The following KMT5B variants were observed in gnomAD, a reference collection of about 807,000 sequenced individuals.
KMT5B encodes the protein histone-lysine N-methyltransferase KMT5B.
A neutral mutation model predicts 83.2 loss-of-function variants in KMT5B; 10 were observed. That is an observed-to-expected ratio of 0.12 (90% CI 0.07 to 0.20). The LOEUF is 0.20. Ranked by LOEUF, KMT5B falls within the 10% of genes least tolerant of loss-of-function variation. KMT5B has a pLI of 1.00. For synonymous variants in KMT5B, 349 were observed against 388.8 expected (o/e 0.90, Z 1.20); for missense variants, 753 against 1,067.2 (o/e 0.71, Z 4.10).
rs889740564 is a variant in KMT5B at position 68,158,828 on chromosome 11, G to A, written c.1518C>T (p.Ser506=). ...TCGCCGCGTGTCTAGTCAAGCACCCGCTGGCAACTGCGGCTTGGGCTGGTC... is the reference window on the plus strand; with the variant it reads ...TCGCCGCGTGTCTAGTCAAGCACCCACTGGCAACTGCGGCTTGGGCTGGTC... The part of the protein sequence containing the change: ...PEGPAQAAVA[S]GCLTRHAARE... The change falls in exon 11 of 11, where the codon AGC becomes AGT. Residue 506 remains serine, a synonymous_variant. Coordinates refer to ENST00000304363, the MANE Select transcript of KMT5B (RefSeq NM_017635.5). 15 of 1,614,124 alleles carry A rather than the reference G, an allele frequency of 9.3e-6. No homozygotes were observed. Among genetic ancestry groups the A allele is most frequent in the Non-Finnish European group, 1.0e-5 (12 of 1,180,044 alleles).
chr11:68,164,634 G>A (rs1255570394), intron 10 of KMT5B: 1 of 511,988 alleles, frequency 2.0e-6, no homozygotes, highest in Non-Finnish European at 3.9e-6. Flanking sequence ...CTCTGCCCAT[G>A]ACCTCAGAGT....
chr11:68,177,703 T>C (rs997711878), intron 4 of KMT5B, among the ~76,000 whole-genome samples: 6 of 152,230 alleles, frequency 3.9e-5, no homozygotes, highest in African/African-American at 1.4e-4. Context: ...ATTTTCCATT[T>C]TCAATCAATT....
intron 10 of KMT5B, among the ~76,000 whole-genome samples, chr11:68,161,472 C>G (rs1342400611): frequency 6.6e-6 from 1 of 152,084 alleles, no homozygotes; most frequent in Non-Finnish European, 1.5e-5. Flanking sequence ...CCATTCCACT[C>G]TCATGACGTA....
Position 68,155,482 on chromosome 11 carries a change from G to A in KMT5B, c.*2206C>T, listed in dbSNP as rs1433128247. On this transcript the variant is annotated 3_prime_UTR_variant, in exon 11 of 11. Coordinates refer to ENST00000304363, the MANE Select transcript of KMT5B (RefSeq NM_017635.5). ...TAAAATTCAGCTGAAAAATGAAAAT[G>A]GGAAATGTGTTTTGTCACTTTTTAA... The A allele has an allele frequency of 6.6e-6, 1 of 152,162 alleles. No homozygotes were observed. The highest frequency in any genetic ancestry group is 1.5e-5 in the Non-Finnish European group (1 of 68,028). 9.4% of individuals were successfully genotyped at this position (152,162 alleles called of 1,614,324 possible).
At chr11:68,181,430 A>C (rs1856923901) in intron 3 of KMT5B, among the ~76,000 whole-genome samples, 1 of 152,174 alleles carries the variant, frequency 6.6e-6, no homozygotes, top group African/African-American at 2.4e-5. Context: ...AAGTAAAAGG[A>C]AGGGAAAAGA....
chr11:68,199,556 G>A (rs1188291201), intron 1 of KMT5B, among the ~76,000 whole-genome samples: 1 of 152,162 alleles, frequency 6.6e-6, no homozygotes, highest in Admixed American at 6.5e-5. Flanking sequence ...TGAGACTTGG[G>A]CCTTTACTCC....
intron 1 of KMT5B, among the ~76,000 whole-genome samples, chr11:68,212,318 C>A (rs1298006820): frequency 6.6e-6 from 1 of 152,134 alleles, no homozygotes; most frequent in Non-Finnish European, 1.5e-5. Flanking sequence ...AGGAAAACTC[C>A]CCCCACTCCA....
In KMT5B at chr11:68,173,860, T is replaced by C. The variant is rs533092789; in HGVS notation, c.597A>G (p.Pro199=). The C allele has an allele frequency of 3.1e-6, 5 of 1,613,002 alleles. No individual in the cohort carries two copies. Among genetic ancestry groups the C allele is most frequent in the Non-Finnish European group, 3.4e-6 (4 of 1,179,748 alleles). ...FATDSGFEIL[P]CNRYSSEQNG... ...TTTGTTCTGATGAGTATCTATTACA[T>C]GGCAATATTTCAAATCCACTGTCAG... The change falls in exon 6 of 11, where the codon CCA becomes CCG. Residue 199 remains proline (P), a synonymous_variant. Transcript: ENST00000304363.
At chr11:68,199,200 T>C (rs528684359) in intron 1 of KMT5B, among the ~76,000 whole-genome samples, 86 of 152,218 alleles carry the variant, frequency 5.6e-4, no homozygotes, top group Admixed American at 1.6e-3. Flanking sequence ...GAATACAGCA[T>C]GGAACAAAAT....
At chr11:68,175,375 G>A (rs746325479) in intron 4 of KMT5B, among the ~76,000 whole-genome samples, 192 bp from the exon 5 acceptor site, 1 of 152,124 alleles carries the variant, frequency 6.6e-6, no homozygotes, top group Admixed American at 6.5e-5. Context: ...ACCTGGATAC[G>A]CAAGTTCTCT....
chr11:68,165,762 A>T, intron 10 of KMT5B: 4 of 1,491,370 alleles, frequency 2.7e-6, no homozygotes, highest in Non-Finnish European at 2.7e-6. Context: ...GTCAACAGTT[A>T]ATGATTGACT....
intron 1 of KMT5B, among the ~76,000 whole-genome samples, chr11:68,195,111 C>T (rs1024180234): frequency 3.9e-5 from 6 of 151,974 alleles, no homozygotes; most frequent in African/African-American, 7.3e-5. Flanking sequence ...CAGGAAATTG[C>T]GGACACAGTG....
Position 68,155,962 on chromosome 11 carries a change from A to C in KMT5B, c.*1726T>G, listed in dbSNP as rs1859266911. 1.3e-5 allele frequency: 2 copies of C among 152,232 alleles called. No individual in the cohort carries two copies. Among genetic ancestry groups the C allele is most frequent in the Non-Finnish European group, 2.9e-5 (2 of 68,032 alleles). 9.4% of individuals were successfully genotyped at this position (152,232 alleles called of 1,614,324 possible). On this transcript the variant is annotated 3_prime_UTR_variant, in exon 11 of 11. Coordinates refer to ENST00000304363, the MANE Select transcript of KMT5B (RefSeq NM_017635.5). ...GGAGAAAACAATCTACTTTCTAAAA[A>C]TGTTCATGAGTCTTAATTTCTATTT...
chr11:68,179,983 A>G, intron 4 of KMT5B, 149 bp downstream of exon 4: 1 of 917,822 alleles, frequency 1.1e-6, no homozygotes, highest in Non-Finnish European at 1.6e-6. Context: ...TAAAAAATAC[A>G]ACTATTATCA....
At chr11:68,186,688 T>TG (rs1395501069) in intron 2 of KMT5B, among the ~76,000 whole-genome samples, 1 of 152,218 alleles carries the variant, frequency 6.6e-6, no homozygotes, top group Non-Finnish European at 1.5e-5. Flanking sequence ...TCAGAGCTGA[T>TG]TAAGTTTGAT....
intron 4 of KMT5B, chr11:68,179,541 T>C (rs1339969382): frequency 7.7e-7 from 1 of 1,304,170 alleles, no homozygotes. Context: ...CTCCCCACTG[T>C]GGCAGTGAAG....
chr11:68,171,330 A>T lies in KMT5B; in HGVS notation c.821-79T>A. ...CGAACAATTATAGAAATCTGAAATAAGCTTTCCATATAACTTTACAACTTT... is the reference window on the plus strand; with the variant it reads ...CGAACAATTATAGAAATCTGAAATATGCTTTCCATATAACTTTACAACTTT... On this transcript the variant is annotated intron_variant, in intron 7 of 10. Coordinates refer to ENST00000304363, the MANE Select transcript of KMT5B (RefSeq NM_017635.5). This position sits in a 1 kb window ranked among gnomAD's most constrained non-coding sequence, Gnocchi z 5.1. The T allele has an allele frequency of 6.5e-7, 1 of 1,533,356 alleles. No individual in the cohort carries two copies. The highest frequency in any genetic ancestry group is 8.9e-7 in the Non-Finnish European group (1 of 1,118,110). 95.0% of individuals were successfully genotyped at this position (1,533,356 alleles called of 1,614,324 possible).
chr11:68,157,876 C>G lies in KMT5B; in HGVS notation c.2470G>C (p.Glu824Gln). The G allele has an allele frequency of 6.2e-7, 1 of 1,613,972 alleles. No individual in the cohort carries two copies. The highest frequency in any genetic ancestry group is 8.5e-7 in the Non-Finnish European group (1 of 1,179,868). The change falls in exon 11 of 11, where the codon GAA (glutamate) becomes CAA (glutamine). Residue 824 changes from glutamate (E) to glutamine (Q), a missense_variant. By Grantham distance (29) the Glu-to-Gln change is conservative. Transcript: ENST00000304363. Reference sequence around the variant, plus strand: ...GAAGAGGAGGAATCATCTGTACTTTCTTCCTCATACTGACTATAGTCATCC... The same window carrying G: ...GAAGAGGAGGAATCATCTGTACTTTGTTCCTCATACTGACTATAGTCATCC... The part of the protein sequence containing the change: ...EVDDYSQYEE[E>Q]STDDSSSSEG...
In KMT5B at chr11:68,158,796, T is replaced by C. The variant is rs749737229; in HGVS notation, c.1550A>G (p.His517Arg). The change falls in exon 11 of 11, where the codon CAC (histidine) becomes CGC (arginine). Residue 517 changes from histidine to arginine, a missense_variant. Transcript: ENST00000304363. The part of the protein sequence containing the change: ...GCLTRHAARE[H>R]RQNPVRGAHS... Reference sequence around the variant, plus strand: ...AGCACCTCTCACAGGATTCTGTCTGTGTTCTCTCGCCGCGTGTCTAGTCAA... The same window carrying C: ...AGCACCTCTCACAGGATTCTGTCTGCGTTCTCTCGCCGCGTGTCTAGTCAA... 6.2e-7 allele frequency: 1 copy of C among 1,614,080 alleles called. No homozygotes were observed. Among genetic ancestry groups the C allele is most frequent in the African/African-American group, 1.3e-5 (1 of 74,932 alleles).
Sources: gnomAD v4.1 joint callset for allele counts (sites outside exome capture counted in the v4.1 genomes callset) on GRCh38, gnomAD v4.1.1 for gene constraint, Gnocchi (gnomAD v3.1) non-coding constraint, MANE v1.5 for transcripts, NCBI Gene and HGNC (gene_info 2026-07-23, HGNC 2026-07-21) for gene names.